RAB30: variants seen among roughly 807,000 people sequenced by gnomAD.
The protein encoded by RAB30 is RAB30, member RAS oncogene family.
A neutral mutation model predicts 25.1 loss-of-function variants in RAB30; 9 were observed. That is an observed-to-expected ratio of 0.36 (90% CI 0.22 to 0.63). RAB30 has a LOEUF of 0.63. RAB30 is among the 20% of genes least tolerant of loss of function. RAB30 has a pLI of 0.69. For synonymous variants in RAB30, 77 were observed against 86.4 expected (o/e 0.89, Z 0.60); for missense variants, 140 against 243.5 (o/e 0.58, Z 2.83).
chr11:83,056,489 C>A (rs978703731), intron 1 of RAB30, among the ~76,000 whole-genome samples: 1 of 152,128 alleles, frequency 6.6e-6, no homozygotes, highest in Admixed American at 6.5e-5. Flanking sequence ...TAGGTGAACG[C>A]CTTAATCATA....
intron 1 of RAB30, among the ~76,000 whole-genome samples, chr11:83,030,246 C>T (rs1285191556): frequency 1.3e-5 from 2 of 151,756 alleles, no homozygotes; most frequent in African/African-American, 4.8e-5. Context: ...CTTATAATCC[C>T]AGCATTTTGG....
At chr11:82,983,845 T>C (rs1173114209) in intron 4 of RAB30, among the ~76,000 whole-genome samples, 1 of 152,190 alleles carries the variant, frequency 6.6e-6, no homozygotes, top group Admixed American at 6.5e-5. Context: ...TTGAACTGTT[T>C]CAGTAATCAT....
In RAB30 at chr11:82,973,170, A is replaced by C. The variant is rs1033667939; in HGVS notation, c.*8995T>G. 20 of 152,354 alleles carry C rather than the reference A, an allele frequency of 1.3e-4. 1 individual carries two copies. Among genetic ancestry groups the C allele is most frequent in the Admixed American group, 1.2e-3 (19 of 15,304 alleles). The allele number at this position is 152,354 out of a possible 1,614,324, so 9.4% of individuals were successfully genotyped here. A position where few individuals can be genotyped will look rare whatever the true frequency, so the allele number is the denominator to read the frequency against. On this transcript the variant is annotated 3_prime_UTR_variant, in exon 5 of 5. Transcript: ENST00000527633. ...GAAATGTTTATTTATATACAAGTAC[A>C]TGGGAAAGCAATTTCCATTTAGTTT...
Position 82,975,217 on chromosome 11 carries a change from C to T in RAB30, c.*6948G>A, listed in dbSNP as rs1277103337. On this transcript the variant is annotated 3_prime_UTR_variant, in exon 5 of 5. Coordinates refer to ENST00000527633, the MANE Select transcript of RAB30 (RefSeq NM_001286060.2). Reference sequence around the variant, plus strand: ...TGTCAAATAACCTACAAGAAAGTTCCACTAGCATTCTGCAATTGTATAGAA... The same window carrying T: ...TGTCAAATAACCTACAAGAAAGTTCTACTAGCATTCTGCAATTGTATAGAA... 6.6e-6 allele frequency: 1 copy of T among 152,060 alleles called. No individual in the cohort carries two copies. Among genetic ancestry groups the T allele is most frequent in the Non-Finnish European group, 1.5e-5 (1 of 67,970 alleles). 9.4% of individuals were successfully genotyped at this position (152,060 alleles called of 1,614,324 possible).
At chr11:83,025,500 C>A (rs973223992) in intron 1 of RAB30, among the ~76,000 whole-genome samples, 1 of 152,206 alleles carries the variant, frequency 6.6e-6, no homozygotes, top group Admixed American at 6.5e-5. Context: ...AACAGTTGTG[C>A]TTGTAAAAGA....
chr11:83,011,291 T>C (rs1857297849), intron 1 of RAB30, among the ~76,000 whole-genome samples: 1 of 152,232 alleles, frequency 6.6e-6, no homozygotes, highest in South Asian at 2.1e-4. Context: ...GTTTTGATCG[T>C]TGTTGTAATC....
At chr11:82,991,208 AG>A (rs1225353087) in intron 3 of RAB30, among the ~76,000 whole-genome samples, 1 of 152,230 alleles carries the variant, frequency 6.6e-6, no homozygotes, top group Non-Finnish European at 1.5e-5. Context: ...TAAATGTTAA[AG>A]AAGAAGGATG....
chr11:83,044,764 C>T (rs1858200853), intron 1 of RAB30, among the ~76,000 whole-genome samples: 1 of 152,164 alleles, frequency 6.6e-6, no homozygotes, highest in East Asian at 1.9e-4. Context: ...ATCCACCCCT[C>T]ATTTTTCTTA....
chr11:82,987,904 CTAAAAAA>C, intron 3 of RAB30, 134 bp from the exon 4 acceptor site: 2 of 81,854 alleles, frequency 2.4e-5, no homozygotes, highest in Non-Finnish European at 4.2e-5. Flanking sequence ...ATTTTCTGCC[CTAAAAAA>C]AAAAAAAAAA....
At chr11:82,994,231 G>A (rs1466698770) in intron 2 of RAB30, 109 bp from the exon 3 acceptor site, 14 of 875,094 alleles carry the variant, frequency 1.6e-5, no homozygotes, top group Non-Finnish European at 2.5e-5. Flanking sequence ...TTCAGCTGAG[G>A]TGACTGGTAG....
intron 2 of RAB30, among the ~76,000 whole-genome samples, chr11:82,996,126 A>G (rs1183443095): frequency 6.6e-6 from 1 of 152,250 alleles, no homozygotes; most frequent in Non-Finnish European, 1.5e-5. Context: ...GCCACGGCTT[A>G]GTAAAAAGCA....
chr11:83,061,544 G>A (rs1022589015), intron 1 of RAB30, among the ~76,000 whole-genome samples: 1 of 152,096 alleles, frequency 6.6e-6, no homozygotes, highest in Non-Finnish European at 1.5e-5. Context: ...AAAGCATGGC[G>A]ATATCTGCAA....
chr11:82,985,564 C>T (rs536859846), intron 4 of RAB30, among the ~76,000 whole-genome samples: 5 of 151,272 alleles, frequency 3.3e-5, no homozygotes, highest in African/African-American at 7.3e-5. Flanking sequence ...CACCTTGGGG[C>T]GATAAAACAA....
chr11:82,991,335 A>C (rs1310509962), intron 3 of RAB30, among the ~76,000 whole-genome samples: 1 of 151,904 alleles, frequency 6.6e-6, no homozygotes, highest in Non-Finnish European at 1.5e-5. Context: ...CCCCATCTCT[A>C]CAAAAAATAA....
rs1590847386 is a variant in RAB30 at position 83,005,756 on chromosome 11, T to G, written c.-8-8432A>C. Reference sequence around the variant, plus strand: ...AAGGCTGAGAAATTTCACTAAATGTTTCAAAAATTCTGTATGGCAAAACAA... The same window carrying G: ...AAGGCTGAGAAATTTCACTAAATGTGTCAAAAATTCTGTATGGCAAAACAA... On this transcript the variant is annotated intron_variant, in intron 1 of 4. Transcript: ENST00000527633. Among the ~76,000 whole-genome samples the G allele has an allele frequency of 2.6e-5, 4 of 152,182 alleles. No individual in the cohort carries two copies. The East Asian group carries it at 5.8e-4, about 22-fold the overall frequency.
chr11:82,993,196 T>C (rs933882656), intron 3 of RAB30, among the ~76,000 whole-genome samples: 1 of 152,238 alleles, frequency 6.6e-6, no homozygotes, highest in Non-Finnish European at 1.5e-5. Context: ...ATAGGCCTAG[T>C]GTGCCTTTCT....
chr11:83,031,525 T>G (rs548408781), intron 1 of RAB30, among the ~76,000 whole-genome samples: 53 of 82,304 alleles, frequency 6.4e-4, no homozygotes, highest in Middle Eastern at 0.015. Flanking sequence ...GCGTATTCTT[T>G]TTTTTTCTTT....
In RAB30 at chr11:82,974,976, A is replaced by G. The variant is rs1220821537; in HGVS notation, c.*7189T>C. 2 of 149,064 alleles carry G rather than the reference A, an allele frequency of 1.3e-5. No individual in the cohort carries two copies. The highest frequency in any genetic ancestry group is 3.0e-5 in the Non-Finnish European group (2 of 67,204). 9.2% of individuals were successfully genotyped at this position (149,064 alleles called of 1,614,324 possible). ...TTTTTTTTTTTTGCTGAAAACAGAA[A>G]TTTTGCTCACGAGTTAGTTCAAATA... On this transcript the variant is annotated 3_prime_UTR_variant, in exon 5 of 5. Coordinates refer to ENST00000527633, the MANE Select transcript of RAB30 (RefSeq NM_001286060.2).
At chr11:83,029,409 T>C (rs1206810616) in intron 1 of RAB30, among the ~76,000 whole-genome samples, 1 of 151,684 alleles carries the variant, frequency 6.6e-6, no homozygotes, top group Non-Finnish European at 1.5e-5. Context: ...TTATTATTAT[T>C]ATTATTATTT....
Sources: gnomAD v4.1 joint callset for allele counts (sites outside exome capture counted in the v4.1 genomes callset) on GRCh38, gnomAD v4.1.1 for gene constraint, MANE v1.5 for transcripts, NCBI Gene and HGNC (gene_info 2026-07-23, HGNC 2026-07-21) for gene names.